The following EGF variants were observed in gnomAD, a reference collection of about 807,000 sequenced individuals.
EGF encodes epidermal growth factor.
Under a neutral mutation model 143.8 loss-of-function variants are expected in EGF, and 95 were observed. The observed-to-expected ratio is 0.66, with a 90% CI of 0.56 to 0.78. The LOEUF is 0.78. Among genes scored for constraint, EGF ranks in the 30% least tolerant of loss-of-function variants. The probability of loss-of-function intolerance (pLI) is 0.00; values close to 1 mark genes in which losing one functional copy is unlikely to be tolerated. For missense variants in EGF, 1,320 were observed against 1,470.9 expected, an observed-to-expected ratio of 0.90 and a Z score of 1.68; for synonymous variants, 510 against 510.5, an observed-to-expected ratio of 1.00 and a Z score of 0.01.
At chr4:109,920,025 T>A (rs1481529325) in intron 1 of EGF, among the ~76,000 whole-genome samples, 1 of 151,650 alleles carries the variant, frequency 6.6e-6, no homozygotes, top group East Asian at 1.9e-4. Flanking sequence ...GTCTTTTATT[T>A]TTATCGTTGA....
At chr4:109,953,642 C>T (rs888989134) in intron 5 of EGF, among the ~76,000 whole-genome samples, 9 of 152,236 alleles carry the variant, frequency 5.9e-5, no homozygotes, top group Admixed American at 1.3e-4. Flanking sequence ...GTAATTATTA[C>T]CATTTTGATA....
intron 18 of EGF, among the ~76,000 whole-genome samples, chr4:109,989,999 G>A (rs1374486557): frequency 6.6e-6 from 1 of 152,126 alleles, no homozygotes; most frequent in Non-Finnish European, 1.5e-5. Context: ...AAAGTGCTAT[G>A]TAAAATTTTA....
chr4:109,995,009 A>G, intron 20 of EGF, 129 bp downstream of exon 20: 3 of 1,110,438 alleles, frequency 2.7e-6, no homozygotes, highest in Admixed American at 1.9e-5. Context: ...ATATAAACAT[A>G]CACATATGAA....
chr4:109,976,330 C>G lies in EGF; in HGVS notation c.2053+95C>G. On this transcript the variant is annotated intron_variant, in intron 13 of 23. Coordinates refer to ENST00000265171, the MANE Select transcript of EGF (RefSeq NM_001963.6). ...TTACACACACACACATACCACTTAG[C>G]CGTATGGGTGAATATGGAATAGAGA... 3.7e-6 allele frequency: 4 copies of G among 1,073,890 alleles called. No homozygotes were observed. The South Asian group carries it at 5.4e-5, about 14-fold the overall frequency. The allele number at this position is 1,073,890 out of a possible 1,614,324, so 66.5% of individuals were successfully genotyped here.
At chr4:110,006,855 G>C (rs1213189799) in intron 22 of EGF, among the ~76,000 whole-genome samples, 1 of 152,230 alleles carries the variant, frequency 6.6e-6, no homozygotes, top group Non-Finnish European at 1.5e-5. Flanking sequence ...ATATCAGTGG[G>C]AGTGGGAGAG....
chr4:109,967,286 A>G (rs1746756809), intron 10 of EGF, among the ~76,000 whole-genome samples: 1 of 152,206 alleles, frequency 6.6e-6, no homozygotes, highest in Admixed American at 6.5e-5. Flanking sequence ...AGCACAATTT[A>G]TTGAATAAGA....
At chr4:109,987,970 G>A (rs924480515) in intron 17 of EGF, 110 bp downstream of exon 17, 19 of 874,636 alleles carry the variant, frequency 2.2e-5, no homozygotes, top group African/African-American at 2.2e-4. Context: ...CAGCAGATTT[G>A]AATAAGTTAT....
In EGF at chr4:110,004,517, G is replaced by A; in HGVS notation, c.3186G>A (p.Leu1062=). ...WGAHYYRTQK[L]LSKNPKNPYE... is the part of the protein sequence containing the mutation. Reference sequence around the variant, plus strand: ...GGCTTTATCACAGGACTCAGAAGCTGCTATCGAAAAACCCAAAGAATCCTT... The same window carrying A: ...GGCTTTATCACAGGACTCAGAAGCTACTATCGAAAAACCCAAAGAATCCTT... The change falls in exon 22 of 24, where the codon CTG becomes CTA. Residue 1062 remains leucine, a synonymous_variant. Transcript: ENST00000265171. 6.2e-7 allele frequency: 1 copy of A among 1,614,068 alleles called. No homozygotes were observed. Among genetic ancestry groups the A allele is most frequent in the Non-Finnish European group, 8.5e-7 (1 of 1,179,958 alleles).
At chr4:109,933,371 A>G (rs1740143061) in intron 1 of EGF, among the ~76,000 whole-genome samples, 4 of 151,754 alleles carry the variant, frequency 2.6e-5, no homozygotes, top group Admixed American at 6.6e-5. Flanking sequence ...CACCTATTTC[A>G]AACTCTCATA....
intron 4 of EGF, among the ~76,000 whole-genome samples, chr4:109,944,786 C>A (rs1456478942): frequency 6.6e-6 from 1 of 152,120 alleles, no homozygotes; most frequent in Non-Finnish European, 1.5e-5. Context: ...CACTAGAAAC[C>A]CACTCTTACT....
At chr4:109,987,923 C>T (rs548460875) in intron 17 of EGF, 63 bp downstream of exon 17, 24 of 1,286,928 alleles carry the variant, frequency 1.9e-5, no homozygotes, top group Admixed American at 5.0e-5. Context: ...TTTTTCTGCT[C>T]TTTCTGACTC....
intron 5 of EGF, among the ~76,000 whole-genome samples, chr4:109,950,494 A>G (rs1743701384): frequency 6.6e-6 from 1 of 152,122 alleles, no homozygotes; most frequent in South Asian, 2.1e-4. Flanking sequence ...ATAATCCCTC[A>G]AAAAAGAAGG....
intron 1 of EGF, among the ~76,000 whole-genome samples, chr4:109,936,356 A>T (rs1023011209): frequency 1.3e-5 from 2 of 152,038 alleles, no homozygotes; most frequent in African/African-American, 4.8e-5. Flanking sequence ...AGTATTCTCT[A>T]ACGGTAGTTT....
intron 23 of EGF, among the ~76,000 whole-genome samples, 181 bp downstream of exon 23, chr4:110,008,411 A>T (rs192278037): frequency 6.6e-6 from 1 of 152,150 alleles, no homozygotes; most frequent in Non-Finnish European, 1.5e-5. Flanking sequence ...CTGGAGTTCT[A>T]TCTTATATGA....
At chr4:109,998,879 A>G (rs577881814) in intron 20 of EGF, among the ~76,000 whole-genome samples, 16 of 152,360 alleles carry the variant, frequency 1.1e-4, no homozygotes, top group Admixed American at 4.6e-4. Context: ...GATGTTTTTC[A>G]AAGTTGATGC....
intron 1 of EGF, among the ~76,000 whole-genome samples, chr4:109,935,649 C>T (rs1426963474): frequency 6.6e-6 from 1 of 152,146 alleles, no homozygotes; most frequent in Non-Finnish European, 1.5e-5. Context: ...AAAGGGAATG[C>T]TTCCTGTTTT....
Position 109,988,523 on chromosome 4 carries a change from A to C in EGF, c.2609-61A>C. ...TATACGATTATGCTTATTCTTTCCAACTAGTCCCATTTATATCAGGATTGC... is the reference window on the plus strand; with the variant it reads ...TATACGATTATGCTTATTCTTTCCACCTAGTCCCATTTATATCAGGATTGC... On this transcript the variant is annotated intron_variant, in intron 17 of 23. Coordinates refer to ENST00000265171, the MANE Select transcript of EGF (RefSeq NM_001963.6). 3 of 1,610,916 alleles carry C rather than the reference A, an allele frequency of 1.9e-6. No individual in the cohort carries two copies. The South Asian group carries it at 3.3e-5, about 18-fold the overall frequency.
chr4:109,998,038 T>A (rs535544445), intron 20 of EGF, among the ~76,000 whole-genome samples: 298 of 152,326 alleles, frequency 2.0e-3, no homozygotes, highest in African/African-American at 7.0e-3. Flanking sequence ...CCTCCCACCC[T>A]GGAAAATGCT....
At chr4:109,916,989 G>A (rs866100350) in intron 1 of EGF, among the ~76,000 whole-genome samples, 1 of 152,146 alleles carries the variant, frequency 6.6e-6, no homozygotes, top group Non-Finnish European at 1.5e-5. Flanking sequence ...ATTTGAGTAA[G>A]TACCTTTGTG....
Sources: allele counts gnomAD v4.1 joint callset (sites outside exome capture counted in the v4.1 genomes callset), GRCh38; gene constraint gnomAD v4.1.1; transcripts MANE v1.5; gene names NCBI Gene and HGNC (gene_info 2026-07-23, HGNC 2026-07-21).